GMEB1: variants seen among roughly 807,000 people sequenced by gnomAD.
The protein encoded by GMEB1 is glucocorticoid modulatory element binding protein 1.
In GMEB1, 6 loss-of-function variants were observed where a neutral mutation model predicts 52.4. The ratio of observed to expected loss-of-function variants is 0.11; its 90% CI spans 0.06 to 0.23. GMEB1 has a LOEUF of 0.23. Ranked by LOEUF, GMEB1 falls within the 10% of genes least tolerant of loss-of-function variation. The probability of loss-of-function intolerance (pLI) is 1.00; values close to 1 mark genes in which losing one functional copy is unlikely to be tolerated. For missense variants in GMEB1, 486 were observed against 685.6 expected, an observed-to-expected ratio of 0.71 and a Z score of 3.25; for synonymous variants, 255 against 244.9, an observed-to-expected ratio of 1.04 and a Z score of -0.38.
chr1:28,680,674 G>A (rs1270279675), intron 1 of GMEB1, among the ~76,000 whole-genome samples: 2 of 151,734 alleles, frequency 1.3e-5, no homozygotes, highest in Non-Finnish European at 2.9e-5. Context: ...AAGGGAGGTG[G>A]TAGTGAGCTG....
At chr1:28,705,242 A>G (rs1049499170) in intron 8 of GMEB1, among the ~76,000 whole-genome samples, 7 of 151,638 alleles carry the variant, frequency 4.6e-5, no homozygotes, top group African/African-American at 1.7e-4. Flanking sequence ...TATGAAAAAA[A>G]AAAAATTAGC....
intron 6 of GMEB1, 78 bp downstream of exon 6, chr1:28,697,162 CATATATATATATATAT>C (rs71586855): frequency 0.039 from 5,800 of 148,432 alleles, 190 homozygotes; most frequent in Non-Finnish European, 0.048. Context: ...CTTGTGTGTA[CATATATATATATATAT>C]ATATATATAT....
At chr1:28,704,153 GTC>G (rs759548884) in intron 7 of GMEB1, 37 bp from the exon 8 acceptor site, 1 of 1,557,358 alleles carries the variant, frequency 6.4e-7, no homozygotes, top group South Asian at 1.2e-5. Flanking sequence ...TCTAGGTAGT[GTC>G]TCTTTTTTAC....
chr1:28,714,906 C>A lies in GMEB1; in HGVS notation c.*133C>A, dbSNP rs1671223840. On this transcript the variant is annotated 3_prime_UTR_variant, in exon 10 of 10. Coordinates refer to ENST00000373816, the MANE Select transcript of GMEB1 (RefSeq NM_001319674.2). Reference sequence around the variant, plus strand: ...AAAAAACAAAATCTTATTGTTGTAACTGAAAATGTTGGGTTCTTCCCACTC... The same window carrying A: ...AAAAAACAAAATCTTATTGTTGTAAATGAAAATGTTGGGTTCTTCCCACTC... The A allele has an allele frequency of 1.4e-6, 1 of 697,298 alleles. No homozygotes were observed. The highest frequency in any genetic ancestry group is 2.3e-6 in the Non-Finnish European group (1 of 431,040). 43.2% of individuals were successfully genotyped at this position (697,298 alleles called of 1,614,324 possible).
intron 8 of GMEB1, among the ~76,000 whole-genome samples, chr1:28,706,859 G>A (rs939850301): frequency 6.6e-6 from 1 of 150,878 alleles, no homozygotes; most frequent in East Asian, 2.0e-4. Context: ...TAGAGATGGG[G>A]TTTCACCATG....
chr1:28,672,215 T>C (rs1408279134), intron 1 of GMEB1, among the ~76,000 whole-genome samples: 2 of 148,736 alleles, frequency 1.3e-5, no homozygotes, highest in African/African-American at 4.9e-5. Flanking sequence ...ATTTATTTAT[T>C]TATTTATTTA....
At chr1:28,702,657 C>T in intron 7 of GMEB1, 88 bp downstream of exon 7, 1 of 1,224,478 alleles carries the variant, frequency 8.2e-7, no homozygotes, top group Non-Finnish European at 1.2e-6. Context: ...CTCTTAATTA[C>T]TTTCGCTGGA....
rs1671262196 is a variant in GMEB1, at chr1:28,715,958, G to A, written c.*1185G>A. 6.6e-6 allele frequency: 1 copy of A among 152,304 alleles called. No individual in the cohort carries two copies. Among genetic ancestry groups the A allele is most frequent in the African/African-American group, 2.4e-5 (1 of 41,428 alleles). 9.4% of individuals were successfully genotyped at this position (152,304 alleles called of 1,614,324 possible). A position where few individuals can be genotyped will look rare whatever the true frequency, so the allele number is the denominator to read the frequency against. ...AATACAAAAAAAAAAAATTAGCTGG[G>A]CATGGTGGCACGCGCCTGTAATCCC... On this transcript the variant is annotated 3_prime_UTR_variant, in exon 10 of 10. Coordinates refer to ENST00000373816, the MANE Select transcript of GMEB1 (RefSeq NM_001319674.2).
chr1:28,702,552 A>G lies in GMEB1; in HGVS notation c.713A>G (p.Asp238Gly). The change falls in exon 7 of 10, where the codon GAC becomes GGC. Residue 238 changes from aspartate (D) to glycine (G), a missense_variant. By Grantham distance (94) the Asp-to-Gly change is moderately conservative (BLOSUM62 -1). Transcript: ENST00000373816. ...TMATEEGVKK[D>G]SEEISEDTLM... ...GCCACGGAGGAGGGTGTAAAGAAAG[A>G]CTCAGAGGAAATTTCAGGTATTCTT... 1.9e-6 allele frequency: 3 copies of G among 1,613,484 alleles called. No homozygotes were observed. The highest frequency in any genetic ancestry group is 2.5e-6 in the Non-Finnish European group (3 of 1,179,712).
rs1670566248 is a variant in GMEB1, at chr1:28,702,535, G to A, written c.696G>A (p.Glu232=). The change falls in exon 7 of 10, where the codon GAG becomes GAA. Residue 232 remains glutamate (E), a synonymous_variant. Coordinates refer to ENST00000373816, the MANE Select transcript of GMEB1 (RefSeq NM_001319674.2). ...ALTAAVTMAT[E]EGVKKDSEEI... ...CCGCTGCTGTCACCATGGCCACGGA[G>A]GAGGGTGTAAAGAAAGACTCAGAGG... is the stretch of plus-strand genomic sequence containing the variant. The A allele has an allele frequency of 1.9e-6, 3 of 1,613,790 alleles. No individual in the cohort carries two copies. Among genetic ancestry groups the A allele is most frequent in the Non-Finnish European group, 2.5e-6 (3 of 1,179,782 alleles).
In GMEB1 at chr1:28,697,094, A is replaced by G. The variant is rs370932598; in HGVS notation, c.598+10A>G. ...CCCACTTCGGCTGATGGTAGGGGGTAGGAAACCACCTGAAAACCCATTGTG... is the reference window on the plus strand; with the variant it reads ...CCCACTTCGGCTGATGGTAGGGGGTGGGAAACCACCTGAAAACCCATTGTG... On this transcript the variant is annotated intron_variant, in intron 6 of 9. Transcript: ENST00000373816. 7 of 1,577,086 alleles carry G rather than the reference A, an allele frequency of 4.4e-6. No individual in the cohort carries two copies. The African/African-American group carries it at 8.2e-5, about 19-fold the overall frequency.
intron 5 of GMEB1, 124 bp downstream of exon 5, chr1:28,693,169 C>T (rs565861990): frequency 2.5e-5 from 11 of 434,122 alleles, no homozygotes; most frequent in Admixed American, 8.5e-5. Context: ...TTGAGCAATC[C>T]GTGCATTATT....
At chr1:28,678,768 G>C (rs968492929) in intron 1 of GMEB1, among the ~76,000 whole-genome samples, 2 of 151,882 alleles carry the variant, frequency 1.3e-5, no homozygotes, top group African/African-American at 4.8e-5. Flanking sequence ...TGTACTTTTA[G>C]TAGAGACAGA....
chr1:28,686,879 C>G (rs997244660), intron 2 of GMEB1, among the ~76,000 whole-genome samples: 1 of 152,020 alleles, frequency 6.6e-6, no homozygotes, highest in Admixed American at 6.6e-5. Flanking sequence ...ACTTGGGGAC[C>G]TCTTAGCCTG....
Position 28,702,562 on chromosome 1 carries a change from A to G in GMEB1, c.723A>G (p.Glu241=), listed in dbSNP as rs1670567621. 1 of 1,613,150 alleles carries G rather than the reference A, an allele frequency of 6.2e-7. No homozygotes were observed. Among genetic ancestry groups the G allele is most frequent in the African/African-American group, 1.3e-5 (1 of 74,846 alleles). The change falls in exon 7 of 10, where the codon GAA becomes GAG. Residue 241 remains glutamate, a synonymous_variant. Coordinates refer to ENST00000373816, the MANE Select transcript of GMEB1 (RefSeq NM_001319674.2). ...TEEGVKKDSE[E]ISEDTLMFWK... is the part of the protein sequence containing the mutation. ...AGGGTGTAAAGAAAGACTCAGAGGA[A>G]ATTTCAGGTATTCTTCTATAGGGCT... is the stretch of plus-strand genomic sequence containing the variant.
chr1:28,674,722 T>TA (rs1669064913), intron 1 of GMEB1, among the ~76,000 whole-genome samples: 1 of 129,700 alleles, frequency 7.7e-6, no homozygotes, highest in Admixed American at 8.0e-5. Context: ...TTTTTTTTTT[T>TA]TTTTTTTTTT....
At chr1:28,709,245 T>C (rs1400010607) in intron 8 of GMEB1, among the ~76,000 whole-genome samples, 1 of 152,060 alleles carries the variant, frequency 6.6e-6, no homozygotes, top group Non-Finnish European at 1.5e-5. Context: ...AGGCAGGGCT[T>C]GCAGGGAGCC....
In GMEB1 at chr1:28,668,857, TGGGCGCGCGGGCGCGGGGTGGGGTGG is replaced by T. The variant is rs1207843870; in HGVS notation, c.-31+24_-31+49del. 1.1e-4 allele frequency: 2 copies of T among 17,576 alleles called. No homozygotes were observed. Among genetic ancestry groups the T allele is most frequent in the African/African-American group, 4.2e-4 (2 of 4,770 alleles). The allele number at this position is 17,576 out of a possible 1,614,324, so 1.1% of individuals were successfully genotyped here. ...CGGAGACGGTGAGGAGGGGGAGGGG[TGGGCGCGCGGGCGCGGGGTGGGGTGG>T]GGGCGGGGGGGCGGGCGCGGGGGCC... On this transcript the variant is annotated intron_variant, in intron 1 of 9. Transcript: ENST00000373816.
chr1:28,687,823 A>G (rs1264980173), intron 2 of GMEB1, among the ~76,000 whole-genome samples: 1 of 152,036 alleles, frequency 6.6e-6, no homozygotes, highest in Non-Finnish European at 1.5e-5. Flanking sequence ...GGAGGAAATG[A>G]AACAAATCTA....
Sources: gnomAD v4.1 joint callset for allele counts (sites outside exome capture counted in the v4.1 genomes callset) on GRCh38, gnomAD v4.1.1 for gene constraint, MANE v1.5 for transcripts, NCBI Gene and HGNC (gene_info 2026-07-23, HGNC 2026-07-21) for gene names.